Variants in ATP9B observed in about 807,000 individuals in gnomAD.
ATP9B encodes ATPase phospholipid transporting 9B, also known as probable phospholipid-transporting ATPase IIB.
In ATP9B, 110 loss-of-function variants were observed where a neutral mutation model predicts 146.1. The observed-to-expected ratio is 0.75, with a 90% confidence interval of 0.65 to 0.88. The LOEUF (loss-of-function observed/expected upper bound fraction) is 0.88. ATP9B is among the 40% of genes least tolerant of loss of function. The pLI is 0.00. For synonymous variants in ATP9B, 604 were observed against 569.7 expected, an observed-to-expected ratio of 1.06 and a Z score of -0.86; for missense variants, 1,499 against 1,496.4, an observed-to-expected ratio of 1.00 and a Z score of -0.03.
chr18:79,092,776 A>G (rs1282039192), intron 1 of ATP9B, among the ~76,000 whole-genome samples: 2 of 151,746 alleles, frequency 1.3e-5, no homozygotes, highest in Non-Finnish European at 2.9e-5. Flanking sequence ...TAACACACGG[A>G]GCTGTCATCT....
At chr18:79,289,112 G>A (rs2146073523) in intron 13 of ATP9B, among the ~76,000 whole-genome samples, 1 of 152,174 alleles carries the variant, frequency 6.6e-6, no homozygotes. Context: ...CTCTTCTCGA[G>A]GAGTATCTTT....
At chr18:79,268,491 A>G (rs1398599875) in intron 12 of ATP9B, among the ~76,000 whole-genome samples, 1 of 152,142 alleles carries the variant, frequency 6.6e-6, no homozygotes, top group Non-Finnish European at 1.5e-5. Flanking sequence ...TTTAGAAGTT[A>G]TGTAAGTGGT....
intron 5 of ATP9B, 40 bp from the exon 6 acceptor site, chr18:79,143,762 G>A (rs368206878): frequency 7.4e-7 from 1 of 1,351,232 alleles, no homozygotes; most frequent in East Asian, 2.4e-5. Context: ...TGGGTGTGCT[G>A]TTGTTTCCTT....
intron 28 of ATP9B, among the ~76,000 whole-genome samples, chr18:79,374,982 G>T (rs1257328673): frequency 6.6e-6 from 1 of 152,176 alleles, no homozygotes; most frequent in African/African-American, 2.4e-5. Flanking sequence ...AACTGGAGAC[G>T]GTATCACTTC....
chr18:79,090,477 G>T (rs1259221279), intron 1 of ATP9B, among the ~76,000 whole-genome samples: 1 of 152,200 alleles, frequency 6.6e-6, no homozygotes, highest in African/African-American at 2.4e-5. Context: ...TAACTTGGGT[G>T]AGATGATCTC....
In ATP9B at chr18:79,269,019, A is replaced by T. The variant is rs73973063; in HGVS notation, c.1269-8035A>T. On this transcript the variant is annotated intron_variant, in intron 12 of 29. Coordinates refer to ENST00000426216, the MANE Select transcript of ATP9B (RefSeq NM_198531.5). Reference sequence around the variant, plus strand: ...TTGGTGGCATTGTACGCTCTACCCTACATAATGTGTTGAGGTACGATGTTT... The same window carrying T: ...TTGGTGGCATTGTACGCTCTACCCTTCATAATGTGTTGAGGTACGATGTTT... 6.6e-3 allele frequency among the ~76,000 whole-genome samples: 1,007 copies of T among 152,176 alleles called. 16 individuals are homozygous for T. The highest frequency in any genetic ancestry group is 0.022 in the African/African-American group (931 of 41,504).
intron 9 of ATP9B, among the ~76,000 whole-genome samples, chr18:79,201,571 T>C (rs933335951): frequency 5.9e-5 from 9 of 152,016 alleles, no homozygotes; most frequent in African/African-American, 2.2e-4. Flanking sequence ...GGAGACCTAA[T>C]TTACTTCTTT....
intron 11 of ATP9B, among the ~76,000 whole-genome samples, chr18:79,240,771 C>G (rs1448910582): frequency 1.3e-5 from 2 of 152,170 alleles, no homozygotes; most frequent in African/African-American, 4.8e-5. Flanking sequence ...AAAGAAGGTT[C>G]AACCAGAGAC....
chr18:79,119,057 C>T (rs1040213021), intron 4 of ATP9B, among the ~76,000 whole-genome samples: 11 of 146,440 alleles, frequency 7.5e-5, no homozygotes, highest in Admixed American at 5.5e-4. Context: ...GGTAACAGAG[C>T]GAGACCGTGT....
In ATP9B at chr18:79,180,137, A is replaced by G. The variant is rs2147987124; in HGVS notation, c.873+3230A>G. On this transcript the variant is annotated intron_variant, in intron 8 of 29. Coordinates refer to ENST00000426216, the MANE Select transcript of ATP9B (RefSeq NM_198531.5). ...TCTTCCATTAGTGTGTGTTTTATAT[A>G]TCTTTTTCTTTGAATTTAAAGTGTT... Among the ~76,000 whole-genome samples the G allele has an allele frequency of 2.0e-5, 3 of 152,226 alleles. 1 individual carries two copies. In the South Asian group the frequency reaches 6.2e-4, roughly 32 times the overall value.
chr18:79,356,310 C>T (rs1357475890), intron 25 of ATP9B, among the ~76,000 whole-genome samples: 1 of 151,696 alleles, frequency 6.6e-6, no homozygotes, highest in Non-Finnish European at 1.5e-5. Context: ...TGCTCCTGAG[C>T]GTTTATACCC....
At chr18:79,376,400 T>C in intron 29 of ATP9B, 1 of 984,736 alleles carries the variant, frequency 1.0e-6, no homozygotes, top group Non-Finnish European at 1.2e-6. Context: ...TTTTTTTTTT[T>C]TTTTTTGAGA....
chr18:79,207,059 A>G, intron 10 of ATP9B, 47 bp downstream of exon 10: 3 of 1,568,044 alleles, frequency 1.9e-6, no homozygotes, highest in Non-Finnish European at 2.6e-6. Flanking sequence ...CGGATAGATG[A>G]TGCTTTGTTT....
chr18:79,273,070 C>G (rs908282339), intron 12 of ATP9B, among the ~76,000 whole-genome samples: 6 of 152,134 alleles, frequency 3.9e-5, no homozygotes, highest in African/African-American at 1.2e-4. Flanking sequence ...GGTGGCCGTG[C>G]CAGTCGTTAT....
At chr18:79,143,278 C>A (rs1245763330) in intron 5 of ATP9B, among the ~76,000 whole-genome samples, 1 of 152,218 alleles carries the variant, frequency 6.6e-6, no homozygotes, top group Non-Finnish European at 1.5e-5. Flanking sequence ...AATTTATTCA[C>A]ATAGAGAAAT....
At chr18:79,185,060 G>A (rs550426285) in intron 8 of ATP9B, among the ~76,000 whole-genome samples, 1 of 152,002 alleles carries the variant, frequency 6.6e-6, no homozygotes, top group African/African-American at 2.4e-5. Flanking sequence ...CTGTACAAGC[G>A]ATCAGCAGGT....
intron 2 of ATP9B, among the ~76,000 whole-genome samples, chr18:79,103,086 T>C (rs1461755144): frequency 2.6e-5 from 4 of 152,144 alleles, no homozygotes; most frequent in Non-Finnish European, 5.9e-5. Context: ...CTTCTTCCGT[T>C]ATGGTCTGTG....
chr18:79,148,806 A>T, intron 6 of ATP9B, among the ~76,000 whole-genome samples: 1 of 152,238 alleles, frequency 6.6e-6, no homozygotes, highest in East Asian at 1.9e-4. Context: ...ATACATATAC[A>T]TATATGTTGA....
intron 17 of ATP9B, among the ~76,000 whole-genome samples, chr18:79,332,177 G>C (rs139641207): frequency 0.021 from 3,243 of 152,324 alleles, 61 homozygotes; most frequent in Non-Finnish European, 0.033. Flanking sequence ...CGCCTGTAAT[G>C]CCAGCACTTT....
Sources: allele counts gnomAD v4.1 joint callset (sites outside exome capture counted in the v4.1 genomes callset), GRCh38; gene constraint gnomAD v4.1.1; transcripts MANE v1.5; gene names NCBI Gene and HGNC (gene_info 2026-07-23, HGNC 2026-07-21).